MBNL2: variants seen among roughly 807,000 people sequenced by gnomAD.
MBNL2 encodes muscleblind like splicing regulator 2.
MBNL2 carries 17 observed loss-of-function variants against 41.9 expected under a neutral mutation model. The ratio of observed to expected loss-of-function variants is 0.41; its 90% CI spans 0.28 to 0.61. MBNL2 has a LOEUF of 0.61. Ranked by LOEUF, MBNL2 falls within the 20% of genes least tolerant of loss-of-function variation. The pLI is 0.35. For missense variants in MBNL2, 336 were observed against 505.6 expected (o/e 0.66, Z 3.22); for synonymous variants, 195 against 182.9 (o/e 1.07, Z -0.53).
intron 1 of MBNL2, among the ~76,000 whole-genome samples, chr13:97,230,682 A>G (rs1220132989): frequency 6.6e-6 from 1 of 152,262 alleles, no homozygotes; most frequent in Non-Finnish European, 1.5e-5. Context: ...ATTGTTTTTA[A>G]AAAATGAACA....
chr13:97,253,984 G>T (rs1452830922), intron 1 of MBNL2, among the ~76,000 whole-genome samples: 1 of 151,936 alleles, frequency 6.6e-6, no homozygotes, highest in Non-Finnish European at 1.5e-5. Flanking sequence ...CCGCCTCCTG[G>T]GTTCAAGCGA....
intron 2 of MBNL2, among the ~76,000 whole-genome samples, chr13:97,321,101 A>G (rs1440032652): frequency 6.6e-6 from 1 of 152,180 alleles, no homozygotes; most frequent in Non-Finnish European, 1.5e-5. Flanking sequence ...CTAGGATCCC[A>G]TGCTGAGATT....
chr13:97,285,687 G>A (rs1252231302), intron 2 of MBNL2, among the ~76,000 whole-genome samples: 2 of 152,136 alleles, frequency 1.3e-5, no homozygotes, highest in African/African-American at 2.4e-5. Flanking sequence ...TATTGATCAC[G>A]TGCTCCTAAA....
chr13:97,215,750 T>A, the MBNL2 span, among the ~76,000 whole-genome samples: 1 of 152,218 alleles, frequency 6.6e-6, no homozygotes, highest in Non-Finnish European at 1.5e-5. Context: ...AATTAGGTAT[T>A]ATTTTTGGCC....
chr13:97,227,053 C>A (rs111673368), intron 1 of MBNL2, among the ~76,000 whole-genome samples: 5,824 of 88,188 alleles, frequency 0.066, 134 homozygotes, highest in South Asian at 0.17. Context: ...AAAAAAAAAA[C>A]AAAAAAAAAA....
At chr13:97,288,282 C>G (rs1238145999) in intron 2 of MBNL2, among the ~76,000 whole-genome samples, 3 of 152,184 alleles carry the variant, frequency 2.0e-5, no homozygotes. Flanking sequence ...AGCAAACTCA[C>G]TCATTTGAGT....
At chr13:97,178,972 T>A in the MBNL2 span, among the ~76,000 whole-genome samples, 1 of 152,206 alleles carries the variant, frequency 6.6e-6, no homozygotes, top group Admixed American at 6.5e-5. Flanking sequence ...AGATAAATAG[T>A]TGAAGCTGGG....
chr13:97,147,395 A>G, the MBNL2 span, among the ~76,000 whole-genome samples: 1 of 152,108 alleles, frequency 6.6e-6, no homozygotes, highest in Non-Finnish European at 1.5e-5. Flanking sequence ...CCTCCCCACC[A>G]AGCACTGTAA....
chr13:97,270,445 A>G (rs2050714659), intron 1 of MBNL2, among the ~76,000 whole-genome samples: 1 of 152,180 alleles, frequency 6.6e-6, no homozygotes, highest in South Asian at 2.1e-4. Flanking sequence ...TTTCATTGGC[A>G]GTACTCCATC....
At chr13:97,167,894 A>G in the MBNL2 span, among the ~76,000 whole-genome samples, 34 of 152,220 alleles carry the variant, frequency 2.2e-4, no homozygotes, top group Non-Finnish European at 4.4e-4. Flanking sequence ...TTAAATTAAT[A>G]TATTGTCACA....
chr13:97,213,313 GA>G, the MBNL2 span, among the ~76,000 whole-genome samples: 10 of 149,948 alleles, frequency 6.7e-5, no homozygotes, highest in East Asian at 7.7e-4. Context: ...TAATGAACAG[GA>G]AAAAAAAACC....
At chr13:97,314,098 TC>T (rs753550616) in intron 2 of MBNL2, among the ~76,000 whole-genome samples, 7 of 152,098 alleles carry the variant, frequency 4.6e-5, no homozygotes, top group Non-Finnish European at 1.0e-4. Flanking sequence ...TCTGGTCACC[TC>T]ACTCTCCCCA....
At chr13:97,216,935 G>A (rs1454747470), upstream of MBNL2, among the ~76,000 whole-genome samples, 2 of 148,572 alleles carry the variant, frequency 1.3e-5, no homozygotes, top group African/African-American at 4.9e-5. Context: ...CACATATAAT[G>A]TATAATATGC....
intron 2 of MBNL2, among the ~76,000 whole-genome samples, chr13:97,305,761 C>T (rs2058066378): frequency 7.3e-6 from 1 of 136,850 alleles, no homozygotes; most frequent in Admixed American, 7.6e-5. Flanking sequence ...AGAGGGAGAC[C>T]CCGTCTCAAA....
At position 97,324,001 on chromosome 13, in the gene MBNL2, T is replaced by C. The variant is rs541109323; in HGVS notation, c.175-10275T>C. On this transcript the variant is annotated intron_variant, in intron 2 of 8. Transcript: ENST00000679496. Reference sequence around the variant, plus strand: ...TGACTATAGTCACCCTATTATGCTGTCAAATAGTAGGTCTTATTCATTCTT... The same window carrying C: ...TGACTATAGTCACCCTATTATGCTGCCAAATAGTAGGTCTTATTCATTCTT... Among the ~76,000 whole-genome samples the C allele has an allele frequency of 2.0e-5, 3 of 152,338 alleles. No homozygotes were observed. In the South Asian group the frequency reaches 6.2e-4, roughly 32 times the overall value.
At chr13:97,224,714 A>T (rs1009594709) in intron 1 of MBNL2, among the ~76,000 whole-genome samples, 1 of 152,078 alleles carries the variant, frequency 6.6e-6, no homozygotes, top group Admixed American at 6.5e-5. Context: ...CTCGGTATTA[A>T]GAAACTGTTG....
intron 1 of MBNL2, among the ~76,000 whole-genome samples, chr13:97,265,581 C>G (rs2049585733): frequency 6.6e-6 from 1 of 151,992 alleles, no homozygotes; most frequent in South Asian, 2.1e-4. Flanking sequence ...TTTCTACTTT[C>G]TTTTACTTAT....
intron 8 of MBNL2, among the ~76,000 whole-genome samples, chr13:97,377,395 C>T (rs1456556055): frequency 6.6e-6 from 1 of 152,170 alleles, no homozygotes; most frequent in African/African-American, 2.4e-5. Context: ...CCTCTTTCCC[C>T]TCCATCAAGC....
At position 97,366,754 on chromosome 13, in the gene MBNL2, G is replaced by C. The variant is rs2063876239; in HGVS notation, c.1048+1583G>C. 1.5e-6 allele frequency: 1 copy of C among 646,382 alleles called. No individual in the cohort carries two copies. The highest frequency in any genetic ancestry group is 1.8e-5 in the African/African-American group (1 of 54,406). The allele number at this position is 646,382 out of a possible 1,614,324, so 40.0% of individuals were successfully genotyped here. A position where few individuals can be genotyped will look rare whatever the true frequency, so the allele number is the denominator to read the frequency against. On this transcript the variant is annotated intron_variant, in intron 8 of 8. Coordinates refer to ENST00000679496, the MANE Select transcript of MBNL2 (RefSeq NM_001382683.1). This position sits in a 1 kb window ranked among gnomAD's most constrained non-coding sequence, Gnocchi z 4.7. The stretch of plus-strand genomic sequence containing the variant: ...TTACTGCAAATAATGATGTAGCTAT[G>C]TTTTGTGTTGCACTGTTTGTTTTCG...
Sources: gnomAD v4.1 joint callset for allele counts (sites outside exome capture counted in the v4.1 genomes callset) on GRCh38, gnomAD v4.1.1 for gene constraint, Gnocchi (gnomAD v3.1) non-coding constraint, MANE v1.5 for transcripts, NCBI Gene and HGNC (gene_info 2026-07-23, HGNC 2026-07-21) for gene names.